RABGEF1: variants seen among roughly 807,000 people sequenced by gnomAD.
RABGEF1 encodes the protein rab5 GDP/GTP exchange factor.
A neutral mutation model predicts 57.3 loss-of-function variants in RABGEF1; 26 were observed. That is an observed-to-expected ratio of 0.45 (90% CI 0.33 to 0.63). The LOEUF (loss-of-function observed/expected upper bound fraction) is 0.63. Among genes scored for constraint, RABGEF1 ranks in the 20% least tolerant of loss-of-function variants. The pLI, the probability that RABGEF1 is intolerant of heterozygous loss-of-function variation, is 0.02. For synonymous variants in RABGEF1, 185 were observed against 210.7 expected (o/e 0.88, Z 1.06); for missense variants, 464 against 607.6 (o/e 0.76, Z 2.48).
At chr7:66,659,442 A>G in the RABGEF1 span, among the ~76,000 whole-genome samples, 1 of 148,248 alleles carries the variant, frequency 6.7e-6, no homozygotes, top group Non-Finnish European at 1.5e-5. Flanking sequence ...ACAGAGTGAG[A>G]CTCCATCTCA....
At chr7:66,788,911 C>T (rs556195388) in intron 4 of RABGEF1, among the ~76,000 whole-genome samples, 6 of 151,294 alleles carry the variant, frequency 4.0e-5, no homozygotes, top group Admixed American at 2.0e-4. Context: ...GCCAAGGTCG[C>T]GCCATTGTAC....
chr7:66,755,888 A>T, intron 1 of RABGEF1: 2 of 520,030 alleles, frequency 3.8e-6, no homozygotes, highest in Non-Finnish European at 6.7e-6. Context: ...ATCATTTGGA[A>T]TTATTTGTCC....
upstream of RABGEF1, among the ~76,000 whole-genome samples, chr7:66,680,936 A>T (rs779889590): frequency 7.2e-5 from 11 of 152,162 alleles, no homozygotes; most frequent in Non-Finnish European, 1.2e-4. Flanking sequence ...CGAAAAAATT[A>T]GCTGGGCATG....
chr7:66,724,775 C>T (rs1295823534), intron 2 of RABGEF1, among the ~76,000 whole-genome samples: 1 of 152,184 alleles, frequency 6.6e-6, no homozygotes, highest in Non-Finnish European at 1.5e-5. Flanking sequence ...GCCTCTGGTA[C>T]TCCAATTATA....
chr7:66,748,493 C>T (rs934296790), intron 1 of RABGEF1, among the ~76,000 whole-genome samples: 11 of 152,114 alleles, frequency 7.2e-5, no homozygotes, highest in Non-Finnish European at 4.4e-5. Flanking sequence ...TTTTAACAGG[C>T]ATGGTTTATC....
the RABGEF1 span, among the ~76,000 whole-genome samples, chr7:66,657,693 G>A: frequency 6.6e-6 from 1 of 152,136 alleles, no homozygotes; most frequent in Admixed American, 6.6e-5. Context: ...TGGTGATGCA[G>A]GCCTGTAATC....
chr7:66,789,712 G>A (rs1254594104), intron 4 of RABGEF1, among the ~76,000 whole-genome samples: 1 of 135,060 alleles, frequency 7.4e-6, no homozygotes, highest in Non-Finnish European at 1.6e-5. Flanking sequence ...AAAAAAAGAT[G>A]TATTTGATAA....
the RABGEF1 span, among the ~76,000 whole-genome samples, chr7:66,675,314 C>A: frequency 6.6e-6 from 1 of 152,110 alleles, no homozygotes; most frequent in South Asian, 2.1e-4. Flanking sequence ...CCTGTCATCC[C>A]AGCTATTCGG....
chr7:66,721,005 C>T (rs1795991874), intron 2 of RABGEF1, among the ~76,000 whole-genome samples: 1 of 152,186 alleles, frequency 6.6e-6, no homozygotes, highest in African/African-American at 2.4e-5. Context: ...GCAACCTCCA[C>T]TTCCCAGGTT....
intron 3 of RABGEF1, among the ~76,000 whole-genome samples, chr7:66,776,766 T>G (rs1808659820): frequency 6.6e-6 from 1 of 152,240 alleles, no homozygotes; most frequent in South Asian, 2.1e-4. Context: ...GGCTGCCAGT[T>G]GTAGCAATTT....
chr7:66,728,321 G>C (rs1201128947), intron 2 of RABGEF1, among the ~76,000 whole-genome samples: 1 of 152,178 alleles, frequency 6.6e-6, no homozygotes, highest in African/African-American at 2.4e-5. Flanking sequence ...TGGAGAGCCA[G>C]ATGCTCTTCA....
chr7:66,655,494 G>A, the RABGEF1 span, among the ~76,000 whole-genome samples: 1 of 152,126 alleles, frequency 6.6e-6, no homozygotes, highest in Non-Finnish European at 1.5e-5. Context: ...TTTTTGGCTT[G>A]GAGAGCTACT....
intron 2 of RABGEF1, among the ~76,000 whole-genome samples, chr7:66,715,956 T>A (rs1795348214): frequency 1.3e-5 from 2 of 152,140 alleles, no homozygotes; most frequent in Non-Finnish European, 2.9e-5. Context: ...GGATGGAGTG[T>A]TTTATCAATA....
intron 2 of RABGEF1, among the ~76,000 whole-genome samples, chr7:66,733,349 TTGAC>T (rs2117677674): frequency 6.6e-6 from 1 of 152,280 alleles, no homozygotes; most frequent in Non-Finnish European, 1.5e-5. Context: ...TGGTGTGACA[TTGAC>T]TGTTACACTG....
intron 7 of RABGEF1, among the ~76,000 whole-genome samples, chr7:66,802,738 G>C (rs1169287591): frequency 6.6e-6 from 1 of 152,202 alleles, no homozygotes; most frequent in South Asian, 2.1e-4. Flanking sequence ...ATCCCTGGGG[G>C]TGTTTGTCTT....
chr7:66,805,250 T>G lies in RABGEF1; in HGVS notation c.931T>G (p.Ser311Ala). ...AIKITKNEPA[S>A]ADDFLPTLIY... ...CAAGATCACCAAGAATGAGCCGGCGTCAGCGGATGACTTCCTCCCCACCCT... is the reference window on the plus strand; with the variant it reads ...CAAGATCACCAAGAATGAGCCGGCGGCAGCGGATGACTTCCTCCCCACCCT... The change falls in exon 8 of 9, where the codon TCA becomes GCA. Residue 311 changes from serine to alanine, a missense_variant. This residue lies in a region of RABGEF1 where 284 missense variants were observed against 389.9 expected (regional missense o/e 0.73). Coordinates refer to ENST00000284957, the MANE Select transcript of RABGEF1 (RefSeq NM_014504.3). 1 of 1,614,138 alleles carries G rather than the reference T, an allele frequency of 6.2e-7. No individual in the cohort carries two copies. The highest frequency in any genetic ancestry group is 8.5e-7 in the Non-Finnish European group (1 of 1,180,046).
rs1241888259 is a variant in RABGEF1 at position 66,729,938 on chromosome 7, G to A, written c.-814-10058G>A. On this transcript the variant is annotated intron_variant and NMD_transcript_variant, in intron 2 of 9. Coordinates refer to the RABGEF1 transcript ENST00000607882. Reference sequence around the variant, plus strand: ...GGATCTGTGGGTGGCTCATCATCAGGGCCACCTGGCTCATGGAGGCCCAGG... The same window carrying A: ...GGATCTGTGGGTGGCTCATCATCAGAGCCACCTGGCTCATGGAGGCCCAGG... Among the ~76,000 whole-genome samples, 3 of 152,260 alleles carry A rather than the reference G, an allele frequency of 2.0e-5. No individual in the cohort carries two copies. In the East Asian group the frequency reaches 5.8e-4, roughly 29 times the overall value.
At chr7:66,713,139 C>A (rs1266804127) in intron 2 of RABGEF1, among the ~76,000 whole-genome samples, 1 of 149,312 alleles carries the variant, frequency 6.7e-6, no homozygotes, top group Non-Finnish European at 1.5e-5. Context: ...TTTTTCTTTT[C>A]TTTTCTTTTT....
At chr7:66,777,798 A>T (rs901299686) in intron 3 of RABGEF1, among the ~76,000 whole-genome samples, 1 of 152,184 alleles carries the variant, frequency 6.6e-6, no homozygotes, top group Non-Finnish European at 1.5e-5. Context: ...AACATTAAAA[A>T]AATTAATTAA....
Sources: allele counts gnomAD v4.1 joint callset (sites outside exome capture counted in the v4.1 genomes callset), GRCh38; gene constraint gnomAD v4.1.1; regional missense constraint gnomAD v4.1.1; transcripts MANE v1.5; gene names NCBI Gene and HGNC (gene_info 2026-07-23, HGNC 2026-07-21).